Variants in RIPK1 observed in about 807,000 individuals in gnomAD.
RIPK1 encodes the protein receptor-interacting serine/threonine-protein kinase 1.
In RIPK1, 27 loss-of-function variants were observed where a neutral mutation model predicts 62.4. The ratio of observed to expected loss-of-function variants is 0.43; its 90% CI spans 0.32 to 0.60. The LOEUF (loss-of-function observed/expected upper bound fraction) is 0.60, where lower values mean the gene tolerates loss of function less well. Among genes scored for constraint, RIPK1 ranks in the 20% least tolerant of loss-of-function variants. RIPK1 has a pLI of 0.07. For synonymous variants in RIPK1, 287 were observed against 303.2 expected (o/e 0.95, Z 0.55); for missense variants, 735 against 831.0 (o/e 0.88, Z 1.42).
At position 3,113,222 on chromosome 6, in the gene RIPK1, A is replaced by G. The variant is rs139157077; in HGVS notation, c.1899A>G (p.Gln633=). Residue 633 remains glutamine (Q), a synonymous_variant, in exon 11 of 11, where the codon CAA becomes CAG. Transcript: ENST00000259808. This position sits in a 1 kb window ranked among gnomAD's most constrained non-coding sequence, Gnocchi z 5.0. The part of the protein sequence containing the change: ...GLKEKVYQML[Q]KWVMREGIKG... ...AAGAAAAGGTTTACCAGATGCTCCA[A>G]AAGTGGGTGATGAGGGAAGGCATAA... 1.2e-6 allele frequency: 2 copies of G among 1,614,032 alleles called. No homozygotes were observed. The highest frequency in any genetic ancestry group is 1.3e-5 in the African/African-American group (1 of 74,928).
chr6:3,078,232 G>A (rs896625256), intron 3 of RIPK1, among the ~76,000 whole-genome samples: 15 of 152,138 alleles, frequency 9.9e-5, no homozygotes, highest in African/African-American at 3.1e-4. Context: ...ATTGGGCTCC[G>A]TGGGTCACTT....
At chr6:3,079,952 G>T (rs1303358501) in intron 3 of RIPK1, among the ~76,000 whole-genome samples, 4 of 152,230 alleles carry the variant, frequency 2.6e-5, no homozygotes, top group African/African-American at 9.7e-5. Flanking sequence ...AGGTGCACCT[G>T]TTTGGACTCA....
At chr6:3,066,769 G>A (rs12665605), upstream of RIPK1, among the ~76,000 whole-genome samples, 65,375 of 151,972 alleles carry the variant, frequency 0.43, 16,340 homozygotes, top group Non-Finnish European at 0.57. Context: ...GCCAAAGTCC[G>A]GAGTTTGTTA....
chr6:3,083,076 C>T lies in RIPK1; in HGVS notation c.460-9C>T, dbSNP rs1343823935. On this transcript the variant is annotated splice_polypyrimidine_tract_variant and intron_variant, in intron 4 of 10. Transcript: ENST00000259808. ...CCAAACAATCCCAGTGGCTCAATGT[C>T]TTTCGCAGATCGCAGACCTCGGCCT... 4 of 1,613,682 alleles carry T rather than the reference C, an allele frequency of 2.5e-6. No individual in the cohort carries two copies. In the Admixed American group the frequency reaches 6.7e-5, roughly 27 times the overall value.
chr6:3,105,539 A>C lies in RIPK1; in HGVS notation c.1064A>C (p.Glu355Ala). 6.2e-7 allele frequency: 1 copy of C among 1,604,432 alleles called. No individual in the cohort carries two copies. Among genetic ancestry groups the C allele is most frequent in the Non-Finnish European group, 8.5e-7 (1 of 1,175,484 alleles). The change falls in exon 9 of 11, where the codon GAG becomes GCG. Residue 355 changes from glutamate to alanine, a missense_variant. By Grantham distance (107) the Glu-to-Ala change is moderately radical (BLOSUM62 -1). Around this residue, in one of 2 missense-constraint regions of RIPK1, gnomAD observed 671 missense variants for 726.2 expected, o/e 0.92. Coordinates refer to ENST00000259808, the MANE Select transcript of RIPK1 (RefSeq NM_001354930.2). The surrounding 1 kb of genome is among the most constrained non-coding windows in gnomAD (Gnocchi z 4.5). ...SSQGLGMGPV[E>A]ESWFAPSLEH... ...CAGGGACTTGGGATGGGTCCTGTGG[A>C]GGAGTCCTGGTTTGCTCCTTCCCTG...
chr6:3,106,727 C>T (rs1760867632), intron 9 of RIPK1, among the ~76,000 whole-genome samples: 1 of 152,158 alleles, frequency 6.6e-6, no homozygotes, highest in African/African-American at 2.4e-5. Flanking sequence ...TTTCAAAAGG[C>T]CAAATTCTCC....
chr6:3,069,154 A>C (rs1758556215), intron 1 of RIPK1, among the ~76,000 whole-genome samples: 1 of 151,914 alleles, frequency 6.6e-6, no homozygotes, highest in Non-Finnish European at 1.5e-5. Context: ...CACGCCATTA[A>C]TGTTGTTTTG....
In RIPK1 at chr6:3,114,103, A is replaced by G. The variant is rs1251509782; in HGVS notation, c.*764A>G. 6.6e-6 allele frequency: 1 copy of G among 152,262 alleles called. No individual in the cohort carries two copies. The highest frequency in any genetic ancestry group is 2.4e-5 in the African/African-American group (1 of 41,476). The allele number at this position is 152,262 out of a possible 1,614,324, so 9.4% of individuals were successfully genotyped here. A position where few individuals can be genotyped will look rare whatever the true frequency, so the allele number is the denominator to read the frequency against. On this transcript the variant is annotated 3_prime_UTR_variant, in exon 11 of 11. Coordinates refer to ENST00000259808, the MANE Select transcript of RIPK1 (RefSeq NM_001354930.2). This position sits in a 1 kb window ranked among gnomAD's most constrained non-coding sequence, Gnocchi z 5.0. ...AAGGGGTACCAAGGAGGGGGGAAAC[A>G]TCAGAATTTCCCAGGCAGTTGTTGC...
Position 3,105,746 on chromosome 6 carries a change from G to T in RIPK1, c.1271G>T (p.Arg424Ile), listed in dbSNP as rs1220451302. 6.2e-7 allele frequency: 1 copy of T among 1,614,136 alleles called. No individual in the cohort carries two copies. The highest frequency in any genetic ancestry group is 8.5e-7 in the Non-Finnish European group (1 of 1,180,058). The change falls in exon 9 of 11, where the codon AGA becomes ATA. Residue 424 changes from arginine (R) to isoleucine (I), a missense_variant. Transcript: ENST00000259808. The surrounding 1 kb of genome is among the most constrained non-coding windows in gnomAD (Gnocchi z 4.5). Reference sequence around the variant, plus strand: ...TCCCATGACCCTTTTGCACAGCAAAGACCTTACGAGAATTTTCAGAATACA... The same window carrying T: ...TCCCATGACCCTTTTGCACAGCAAATACCTTACGAGAATTTTCAGAATACA... Reference protein sequence around the residue: ...RVSHDPFAQQRPYENFQNTEG... With the variant: ...RVSHDPFAQQIPYENFQNTEG...
chr6:3,078,396 T>C (rs1376502135), intron 3 of RIPK1, among the ~76,000 whole-genome samples: 1 of 152,212 alleles, frequency 6.6e-6, no homozygotes, highest in Non-Finnish European at 1.5e-5. Flanking sequence ...AAATCTTCCT[T>C]GCCTTTTACT....
intron 7 of RIPK1, among the ~76,000 whole-genome samples, chr6:3,100,898 G>A (rs1457365324): frequency 6.6e-6 from 1 of 152,058 alleles, no homozygotes; most frequent in Non-Finnish European, 1.5e-5. Flanking sequence ...TGGCCTGTTT[G>A]AATCTTTCAA....
intron 9 of RIPK1, among the ~76,000 whole-genome samples, chr6:3,106,343 ATC>A (rs1192199359): frequency 6.6e-6 from 1 of 152,180 alleles, no homozygotes; most frequent in Non-Finnish European, 1.5e-5. Context: ...ATTTCACCCA[ATC>A]TCTGATAAAT....
chr6:3,088,920 G>A (rs1014647612), intron 6 of RIPK1: 7 of 152,132 alleles, frequency 4.6e-5, no homozygotes, highest in Admixed American at 3.9e-4. Flanking sequence ...GATGGTTTGA[G>A]GTTGCCACCT....
At chr6:3,081,642 C>T (rs1759386292) in intron 4 of RIPK1, among the ~76,000 whole-genome samples, 1 of 152,050 alleles carries the variant, frequency 6.6e-6, no homozygotes, top group Non-Finnish European at 1.5e-5. Flanking sequence ...GGGCGGATCA[C>T]CTGAGGTCGG....
intron 8 of RIPK1, among the ~76,000 whole-genome samples, chr6:3,104,975 C>T (rs2113691755): frequency 6.6e-6 from 1 of 152,194 alleles, no homozygotes; most frequent in East Asian, 1.9e-4. Flanking sequence ...CCTCAGCCTC[C>T]CAAGCAGCAG....
intron 1 of RIPK1, among the ~76,000 whole-genome samples, chr6:3,074,934 C>G (rs566860913): frequency 6.6e-6 from 1 of 152,332 alleles, no homozygotes; most frequent in East Asian, 1.9e-4. Context: ...CCCGCCTCAG[C>G]CTCCCAAAGT....
chr6:3,110,694 G>C, intron 9 of RIPK1, 109 bp from the exon 10 acceptor site: 1 of 653,210 alleles, frequency 1.5e-6, no homozygotes, highest in Non-Finnish European at 2.5e-6. Flanking sequence ...GGGTGGCATA[G>C]GATAATTAAC....
rs372244053 is a variant in RIPK1 at position 3,110,917 on chromosome 6, T to C, written c.1691T>C (p.Phe564Ser). The change falls in exon 10 of 11, where the codon TTC (phenylalanine) becomes TCC (serine). Residue 564 changes from phenylalanine (F) to serine (S), a missense_variant. Physicochemically the swap from Phe to Ser is radical, Grantham distance 155 (BLOSUM62 -2). This residue lies in a region of RIPK1 where 671 missense variants were observed against 726.2 expected (regional missense o/e 0.92). Coordinates refer to ENST00000259808, the MANE Select transcript of RIPK1 (RefSeq NM_001354930.2). ...SSLLDSTNTN[F>S]KEEPAAKYQA... ...CTACTAGACAGCACAAATACGAACT[T>C]CAAAGAAGAGCCAGCTGCTAAGTAC... 2 of 1,613,394 alleles carry C rather than the reference T, an allele frequency of 1.2e-6. No individual in the cohort carries two copies. Among genetic ancestry groups the C allele is most frequent in the South Asian group, 1.1e-5 (1 of 90,976 alleles).
intron 9 of RIPK1, among the ~76,000 whole-genome samples, chr6:3,109,325 G>C (rs1001482899): frequency 6.6e-6 from 1 of 152,108 alleles, no homozygotes; most frequent in South Asian, 2.1e-4. Context: ...CACGTGGGGA[G>C]GTCAGCAGTC....
Sources: allele counts gnomAD v4.1 joint callset (sites outside exome capture counted in the v4.1 genomes callset), GRCh38; gene constraint gnomAD v4.1.1; regional missense constraint gnomAD v4.1.1; non-coding constraint Gnocchi (gnomAD v3.1); transcripts MANE v1.5; gene names NCBI Gene and HGNC (gene_info 2026-07-23, HGNC 2026-07-21).